HHAT: variants seen among roughly 807,000 people sequenced by gnomAD.
The protein encoded by HHAT is hedgehog acyltransferase, also known as protein-cysteine N-palmitoyltransferase HHAT.
A neutral mutation model predicts 70.8 loss-of-function variants in HHAT; 47 were observed. The ratio of observed to expected loss-of-function variants is 0.66; its 90% CI spans 0.53 to 0.85. The LOEUF is 0.85. Among genes scored for constraint, HHAT ranks in the 40% least tolerant of loss-of-function variants. The pLI is 0.00. For synonymous variants in HHAT, 228 were observed against 247.6 expected (o/e 0.92, Z 0.74); for missense variants, 609 against 604.8 (o/e 1.01, Z -0.07).
intron 1 of HHAT, among the ~76,000 whole-genome samples, chr1:210,333,832 GT>G (rs1487293168): frequency 6.6e-6 from 1 of 151,946 alleles, no homozygotes; most frequent in African/African-American, 2.4e-5. Context: ...TAATTTTGTA[GT>G]TTTAGTAGAG....
chr1:210,363,732 TTA>T (rs1312760255), intron 3 of HHAT, among the ~76,000 whole-genome samples: 1 of 152,208 alleles, frequency 6.6e-6, no homozygotes, highest in East Asian at 1.9e-4. Context: ...CTAAGTATTT[TTA>T]TATGTTTTTA....
chr1:210,358,804 C>T (rs973790915), intron 2 of HHAT, among the ~76,000 whole-genome samples: 1 of 152,158 alleles, frequency 6.6e-6, no homozygotes, highest in South Asian at 2.1e-4. Flanking sequence ...TTATTGCCCT[C>T]TTACTACACA....
In HHAT at chr1:210,623,376, A is replaced by G; in HGVS notation, c.1246-150A>G. 5 of 848,342 alleles carry G rather than the reference A, an allele frequency of 5.9e-6. 1 individual carries two copies. The South Asian group carries it at 8.3e-5, about 14-fold the overall frequency. 52.6% of individuals were successfully genotyped at this position (848,342 alleles called of 1,614,324 possible). ...GCATGAGCTGCCACGCCCAGACAGG[A>G]ATTGAAGTTTTGAGAGCTGTTTAAA... is the stretch of plus-strand genomic sequence containing the variant. On this transcript the variant is annotated intron_variant, in intron 10 of 11. Coordinates refer to ENST00000261458, the MANE Select transcript of HHAT (RefSeq NM_018194.6).
chr1:210,381,450 T>C (rs1245238236), intron 3 of HHAT, among the ~76,000 whole-genome samples: 1 of 152,038 alleles, frequency 6.6e-6, no homozygotes, highest in Non-Finnish European at 1.5e-5. Context: ...CCAGCTAATA[T>C]TTGTATTTTT....
At chr1:210,398,221 C>T (rs1229003836) in intron 4 of HHAT, among the ~76,000 whole-genome samples, 4 of 152,142 alleles carry the variant, frequency 2.6e-5, no homozygotes, top group East Asian at 3.8e-4. Flanking sequence ...ACAACAGTTT[C>T]GTGTAGGTGA....
intron 10 of HHAT, among the ~76,000 whole-genome samples, 162 bp from the exon 11 acceptor site, chr1:210,623,364 C>T (rs969182272): frequency 2.6e-5 from 4 of 152,174 alleles, no homozygotes; most frequent in Non-Finnish European, 4.4e-5. Flanking sequence ...TGAGCTGCCA[C>T]GCCCAGACAG....
intron 3 of HHAT, among the ~76,000 whole-genome samples, chr1:210,367,572 G>A (rs934316116): frequency 6.6e-6 from 1 of 152,150 alleles, no homozygotes; most frequent in Non-Finnish European, 1.5e-5. Flanking sequence ...CTGTTCCAGT[G>A]GTGTTGCTAT....
At chr1:210,411,541 A>G (rs3765855) in intron 6 of HHAT, among the ~76,000 whole-genome samples, 123,737 of 151,842 alleles carry the variant, frequency 0.81, 50,532 homozygotes, top group South Asian at 0.89. Context: ...ATCACTTGAG[A>G]CCAGGAGTTC....
chr1:210,459,336 G>C (rs2093932901), intron 7 of HHAT, among the ~76,000 whole-genome samples: 1 of 152,168 alleles, frequency 6.6e-6, no homozygotes, highest in Admixed American at 6.5e-5. Flanking sequence ...TCCTACTGCG[G>C]TATAAGGTGA....
At chr1:210,444,385 C>T (rs530999257) in intron 7 of HHAT, among the ~76,000 whole-genome samples, 73 of 143,334 alleles carry the variant, frequency 5.1e-4, no homozygotes, top group Non-Finnish European at 1.0e-3. Flanking sequence ...AGGATTCCCT[C>T]TTTTTCTATT....
chr1:210,497,661 A>G (rs889484485), intron 8 of HHAT, among the ~76,000 whole-genome samples: 1 of 152,104 alleles, frequency 6.6e-6, no homozygotes, highest in African/African-American at 2.4e-5. Context: ...TCTTCCAGTC[A>G]CAGTGGAGGA....
At chr1:210,441,787 CAG>C (rs1298387334) in intron 7 of HHAT, among the ~76,000 whole-genome samples, 1 of 151,906 alleles carries the variant, frequency 6.6e-6, no homozygotes, top group Admixed American at 6.6e-5. Flanking sequence ...TATATATAAA[CAG>C]ATATACACGT....
chr1:210,526,885 C>T (rs554328818), intron 9 of HHAT, among the ~76,000 whole-genome samples: 59 of 152,248 alleles, frequency 3.9e-4, no homozygotes, highest in African/African-American at 1.3e-3. Context: ...TATATTTGGT[C>T]TCTGCCTCCC....
intron 3 of HHAT, among the ~76,000 whole-genome samples, chr1:210,365,483 A>T (rs1224608555): frequency 6.6e-6 from 1 of 151,322 alleles, no homozygotes; most frequent in Non-Finnish European, 1.5e-5. Flanking sequence ...CATCCAGCTA[A>T]TTTTTTTTAT....
intron 4 of HHAT, among the ~76,000 whole-genome samples, chr1:210,394,018 C>CT (rs2091621085): frequency 6.6e-6 from 1 of 151,992 alleles, no homozygotes; most frequent in African/African-American, 2.4e-5. Flanking sequence ...TGCAGTTGTC[C>CT]TTTTTTCTCC....
At chr1:210,452,100 A>T (rs749547426) in intron 7 of HHAT, among the ~76,000 whole-genome samples, 1 of 152,232 alleles carries the variant, frequency 6.6e-6, no homozygotes, top group Non-Finnish European at 1.5e-5. Context: ...GCATCTTGTT[A>T]TAGAAAGATA....
chr1:210,672,824 C>T (rs1436353392), intron 11 of HHAT, among the ~76,000 whole-genome samples: 1 of 152,182 alleles, frequency 6.6e-6, no homozygotes, highest in East Asian at 1.9e-4. Flanking sequence ...TAAAAGCTTT[C>T]AGTTTTGAAA....
intron 11 of HHAT, among the ~76,000 whole-genome samples, chr1:210,624,149 G>A (rs1410752339): frequency 6.6e-6 from 1 of 151,964 alleles, no homozygotes; most frequent in Admixed American, 6.6e-5. Flanking sequence ...ATGGAAGTGG[G>A]ACTGGTGACT....
Position 210,428,461 on chromosome 1 carries a change from T to A in HHAT, c.856+10136T>A, listed in dbSNP as rs567575705. On this transcript the variant is annotated intron_variant, in intron 7 of 11. Transcript: ENST00000261458. ...TCATATTTTACTAAGGTCCTTTATA[T>A]CTGCTTTGGCCAAGCTGGTATCCAA... Among the ~76,000 whole-genome samples, 214 of 151,096 alleles carry A rather than the reference T, an allele frequency of 1.4e-3. 1 individual carries two copies. Among genetic ancestry groups the A allele is most frequent in the South Asian group, 7.7e-3 (37 of 4,800 alleles).
Sources: gnomAD v4.1 joint callset for allele counts (sites outside exome capture counted in the v4.1 genomes callset) on GRCh38, gnomAD v4.1.1 for gene constraint, MANE v1.5 for transcripts, NCBI Gene and HGNC (gene_info 2026-07-23, HGNC 2026-07-21) for gene names.